The following LRMDA variants were observed in gnomAD, a reference collection of about 807,000 sequenced individuals.
LRMDA encodes the protein leucine-rich melanocyte differentiation-associated protein.
In LRMDA, 18 loss-of-function variants were observed where a neutral mutation model predicts 29.8. That is an observed-to-expected ratio of 0.60 (90% confidence interval 0.42 to 0.90). The LOEUF is 0.90. Among genes scored for constraint, LRMDA ranks in the 40% least tolerant of loss-of-function variants. LRMDA has a pLI of 0.00. For synonymous variants in LRMDA, 125 were observed against 109.4 expected (o/e 1.14, Z -0.89); for missense variants, 273 against 273.9 (o/e 1.00, Z 0.02).
chr10:75,843,600 G>A (rs2132303266), intron 2 of LRMDA, among the ~76,000 whole-genome samples: 1 of 152,326 alleles, frequency 6.6e-6, no homozygotes, highest in South Asian at 2.1e-4. Flanking sequence ...AGGAGAGGAT[G>A]AGGTGGAGAG....
intron 2 of LRMDA, among the ~76,000 whole-genome samples, chr10:75,559,458 A>G (rs1840261340): frequency 6.6e-6 from 1 of 151,634 alleles, no homozygotes; most frequent in South Asian, 2.1e-4. Context: ...GTAGGTTGCG[A>G]AAATTTTCTC....
intron 2 of LRMDA, among the ~76,000 whole-genome samples, chr10:75,866,567 G>T (rs1363088833): frequency 6.6e-6 from 1 of 152,194 alleles, no homozygotes; most frequent in African/African-American, 2.4e-5. Flanking sequence ...AGGGGTTCTG[G>T]CAGGAAGTTT....
At chr10:76,003,698 T>G (rs533013193) in intron 2 of LRMDA, among the ~76,000 whole-genome samples, 9 of 152,192 alleles carry the variant, frequency 5.9e-5, no homozygotes, top group African/African-American at 2.2e-4. Flanking sequence ...TTGAGGGTGT[T>G]GAAGGACAAA....
chr10:75,525,326 T>C (rs1000108853), intron 2 of LRMDA, among the ~76,000 whole-genome samples: 2 of 152,190 alleles, frequency 1.3e-5, no homozygotes, highest in African/African-American at 4.8e-5. Flanking sequence ...GTACCTTTTG[T>C]GTGGAAGTTT....
At chr10:75,974,713 A>G (rs1386252895) in intron 2 of LRMDA, among the ~76,000 whole-genome samples, 2 of 152,208 alleles carry the variant, frequency 1.3e-5, no homozygotes, top group Non-Finnish European at 2.9e-5. Context: ...GTAGTGAGCA[A>G]TGGAACAGAG....
intron 2 of LRMDA, among the ~76,000 whole-genome samples, chr10:75,494,698 G>A (rs541904102): frequency 8.6e-5 from 13 of 151,710 alleles, no homozygotes; most frequent in Middle Eastern, 3.4e-3. Context: ...ATGGGGTTTC[G>A]CCATGTTGGC....
At chr10:76,010,422 C>T (rs1051342786) in intron 2 of LRMDA, among the ~76,000 whole-genome samples, 6 of 151,580 alleles carry the variant, frequency 4.0e-5, no homozygotes, top group Non-Finnish European at 7.4e-5. Context: ...AAGCAATTCT[C>T]CTGCCTCAGC....
intron 2 of LRMDA, among the ~76,000 whole-genome samples, chr10:75,582,673 G>T (rs1043709860): frequency 6.6e-6 from 1 of 152,160 alleles, no homozygotes; most frequent in African/African-American, 2.4e-5. Flanking sequence ...CTTCCCTTTA[G>T]TTATGCAAAT....
At chr10:75,788,535 A>T (rs1444741473) in intron 2 of LRMDA, among the ~76,000 whole-genome samples, 1 of 152,242 alleles carries the variant, frequency 6.6e-6, no homozygotes, top group Non-Finnish European at 1.5e-5. Context: ...TCATGTGCTA[A>T]AGCCAGCTCA....
intron 5 of LRMDA, among the ~76,000 whole-genome samples, chr10:76,122,559 A>G (rs1589337150): frequency 6.6e-6 from 1 of 152,296 alleles, no homozygotes; most frequent in Non-Finnish European, 1.5e-5. Context: ...AAATGAGTTC[A>G]TATATGAAAA....
intron 5 of LRMDA, among the ~76,000 whole-genome samples, chr10:76,168,675 G>A (rs1850783248): frequency 6.6e-6 from 1 of 152,190 alleles, no homozygotes; most frequent in African/African-American, 2.4e-5. Context: ...GATGAAAGGG[G>A]ATGATGAGTA....
intron 5 of LRMDA, among the ~76,000 whole-genome samples, chr10:76,142,490 T>G (rs1439909283): frequency 2.0e-5 from 3 of 147,298 alleles, no homozygotes; most frequent in Admixed American, 6.9e-5. Context: ...TGTTTAAAAC[T>G]TTGGTAAAAA....
At chr10:75,446,699 C>G (rs1018072594) in intron 2 of LRMDA, among the ~76,000 whole-genome samples, 1 of 152,188 alleles carries the variant, frequency 6.6e-6, no homozygotes, top group African/African-American at 2.4e-5. Flanking sequence ...GCAGCATAAC[C>G]TAGCCTATCC....
intron 2 of LRMDA, among the ~76,000 whole-genome samples, chr10:75,495,558 C>T (rs1845035025): frequency 6.6e-6 from 1 of 152,126 alleles, no homozygotes; most frequent in Non-Finnish European, 1.5e-5. Flanking sequence ...GCTTTTTGCC[C>T]TTCATTGGAT....
Position 75,533,892 on chromosome 10 carries a change from G to C in LRMDA, c.131+95398G>C, listed in dbSNP as rs116384342. 1.9e-3 allele frequency among the ~76,000 whole-genome samples: 296 copies of C among 152,296 alleles called. 2 individuals carry two copies. Among genetic ancestry groups the C allele is most frequent in the African/African-American group, 6.9e-3 (286 of 41,556 alleles). ...ACTTTGTCAAAAGACAAAATAAAATGTACATGCGATATGTGCAACATATGA... is the reference window on the plus strand; with the variant it reads ...ACTTTGTCAAAAGACAAAATAAAATCTACATGCGATATGTGCAACATATGA... On this transcript the variant is annotated intron_variant, in intron 2 of 6. Coordinates refer to ENST00000611255, the MANE Select transcript of LRMDA (RefSeq NM_001305581.2).
intron 2 of LRMDA, among the ~76,000 whole-genome samples, chr10:75,629,401 T>C (rs1841295216): frequency 6.6e-6 from 1 of 152,220 alleles, no homozygotes; most frequent in Non-Finnish European, 1.5e-5. Context: ...TCCTCAACTT[T>C]GTAATTTTAA....
chr10:75,604,208 G>T (rs1486078510), intron 2 of LRMDA, among the ~76,000 whole-genome samples: 1 of 152,106 alleles, frequency 6.6e-6, no homozygotes, highest in Non-Finnish European at 1.5e-5. Flanking sequence ...AGGAGGTCAA[G>T]ACAAATTTTG....
At chr10:76,395,917 A>G (rs890872573) in intron 6 of LRMDA, among the ~76,000 whole-genome samples, 19 of 152,276 alleles carry the variant, frequency 1.2e-4, no homozygotes, top group African/African-American at 4.6e-4. Context: ...GTACTATACA[A>G]TAGTGCTGAT....
chr10:75,631,657 G>T (rs1036886848), intron 2 of LRMDA, among the ~76,000 whole-genome samples: 42 of 152,164 alleles, frequency 2.8e-4, no homozygotes, highest in African/African-American at 9.9e-4. Context: ...CTCTTGGTGA[G>T]TCGGGGTGTA....
Sources: allele counts gnomAD v4.1 joint callset (sites outside exome capture counted in the v4.1 genomes callset), GRCh38; gene constraint gnomAD v4.1.1; transcripts MANE v1.5; gene names NCBI Gene and HGNC (gene_info 2026-07-23, HGNC 2026-07-21).